The following KCNMB1 variants were observed in gnomAD, a reference collection of about 807,000 sequenced individuals.
KCNMB1 encodes the protein potassium calcium-activated channel subfamily M regulatory beta subunit 1, also known as calcium-activated potassium channel subunit beta-1.
A neutral mutation model predicts 21.7 loss-of-function variants in KCNMB1; 22 were observed. The ratio of observed to expected loss-of-function variants is 1.01; its 90% CI spans 0.72 to 1.45. The LOEUF (loss-of-function observed/expected upper bound fraction) is 1.45. Ranked by LOEUF, KCNMB1 falls within the 40% of genes most tolerant of loss-of-function variation. The pLI, the probability that KCNMB1 is intolerant of heterozygous loss-of-function variation, is 0.00. For synonymous variants in KCNMB1, 114 were observed against 107.6 expected, an observed-to-expected ratio of 1.06 and a Z score of -0.37; for missense variants, 243 against 243.4, an observed-to-expected ratio of 1.00 and a Z score of 0.01.
Position 170,382,128 on chromosome 5 carries a change from C to A in KCNMB1, c.306+1551G>T, listed in dbSNP as rs553991623. Among the ~76,000 whole-genome samples, 12 of 152,284 alleles carry A rather than the reference C, an allele frequency of 7.9e-5. No homozygotes were observed. In the South Asian group the frequency reaches 2.3e-3, roughly 29 times the overall value. On this transcript the variant is annotated intron_variant, in intron 3 of 3. Coordinates refer to ENST00000274629, the MANE Select transcript of KCNMB1 (RefSeq NM_004137.4). ...ACATCTTGGTCGTGAGTGCTTGCTG[C>A]GGCCTTGGCTCCTCTGTCTAGTAAC... is the stretch of plus-strand genomic sequence containing the variant.
At chr5:170,384,415 G>C (rs999384753) in intron 2 of KCNMB1, among the ~76,000 whole-genome samples, 1 of 152,214 alleles carries the variant, frequency 6.6e-6, no homozygotes, top group South Asian at 2.1e-4. Context: ...GTTGAGCCAG[G>C]ATGGGAAAGA....
rs1456574282 is a variant in KCNMB1 at position 170,376,107 on chromosome 5, G to A, written c.*2597C>T. On this transcript the variant is annotated 3_prime_UTR_variant, in exon 4 of 4. Coordinates refer to ENST00000274629, the MANE Select transcript of KCNMB1 (RefSeq NM_004137.4). ...GCACCCATACATGCCAGATAACATT[G>A]TCAGTATAACTTCTGGAAGTTTCTG... is the stretch of plus-strand genomic sequence containing the variant. The A allele has an allele frequency of 7.2e-6, 1 of 139,640 alleles. No individual in the cohort carries two copies. The highest frequency in any genetic ancestry group is 2.2e-4 in the East Asian group (1 of 4,520). 8.7% of individuals were successfully genotyped at this position (139,640 alleles called of 1,614,324 possible). A position where few individuals can be genotyped will look rare whatever the true frequency, so the allele number is the denominator to read the frequency against.
At chr5:170,383,373 G>T (rs1764330305) in intron 3 of KCNMB1, 1 of 594,738 alleles carries the variant, frequency 1.7e-6, no homozygotes, top group African/African-American at 1.9e-5. Context: ...TTTATATACA[G>T]CGTCTCTGAC....
Position 170,385,395 on chromosome 5 carries a change from C to A in KCNMB1, c.53G>T (p.Cys18Phe). ...AQKRGETRAL[C>F]LGVTMVVCAV... Reference sequence around the variant, plus strand: ...ACACACCACCATGGTTACACCCAGGCAAAGGGCTCGTGTCTCTCCCCGCTT... The same window carrying A: ...ACACACCACCATGGTTACACCCAGGAAAAGGGCTCGTGTCTCTCCCCGCTT... Residue 18 changes from cysteine to phenylalanine, a missense_variant, in exon 2 of 4, where the codon TGC becomes TTC. Transcript: ENST00000274629. The A allele has an allele frequency of 6.2e-7, 1 of 1,614,098 alleles. No homozygotes were observed. The highest frequency in any genetic ancestry group is 8.5e-7 in the Non-Finnish European group (1 of 1,180,012).
In KCNMB1 at chr5:170,378,167, T is replaced by C. The variant is rs1307386335; in HGVS notation, c.*537A>G. 1 of 152,510 alleles carries C rather than the reference T, an allele frequency of 6.6e-6. No homozygotes were observed. The highest frequency in any genetic ancestry group is 1.5e-5 in the Non-Finnish European group (1 of 68,164). The allele number at this position is 152,510 out of a possible 1,614,324, so 9.4% of individuals were successfully genotyped here. A position where few individuals can be genotyped will look rare whatever the true frequency, so the allele number is the denominator to read the frequency against. ...TCATGTGTTTCCTTGCAGCTGATTGTTGTTTGGCATACATTTATTAATATT... is the reference window on the plus strand; with the variant it reads ...TCATGTGTTTCCTTGCAGCTGATTGCTGTTTGGCATACATTTATTAATATT... On this transcript the variant is annotated 3_prime_UTR_variant, in exon 4 of 4. Transcript: ENST00000274629.
At chr5:170,387,070 A>G (rs899864038) in intron 1 of KCNMB1, among the ~76,000 whole-genome samples, 6 of 152,170 alleles carry the variant, frequency 3.9e-5, no homozygotes, top group Admixed American at 2.6e-4. Context: ...AAGCTGTCCT[A>G]GAGCCTCTGG....
chr5:170,386,485 C>T (rs1261727130), intron 1 of KCNMB1, among the ~76,000 whole-genome samples: 1 of 152,152 alleles, frequency 6.6e-6, no homozygotes, highest in Non-Finnish European at 1.5e-5. Context: ...AGGTCCCATG[C>T]GGTGAGCGAG....
chr5:170,386,518 C>T (rs1239134140), intron 1 of KCNMB1, among the ~76,000 whole-genome samples: 1 of 152,180 alleles, frequency 6.6e-6, no homozygotes, highest in African/African-American at 2.4e-5. Context: ...ATCATCCATG[C>T]ACCTCCTTCC....
At position 170,385,411 on chromosome 5, in the gene KCNMB1, C is replaced by G. The variant is rs776969311; in HGVS notation, c.37G>C (p.Glu13Gln). The G allele has an allele frequency of 6.2e-7, 1 of 1,613,990 alleles. No homozygotes were observed. The highest frequency in any genetic ancestry group is 1.3e-5 in the African/African-American group (1 of 74,876). ...ACACCCAGGCAAAGGGCTCGTGTCT[C>G]TCCCCGCTTCTGGGCCATCACCAGC... is the stretch of plus-strand genomic sequence containing the variant. ...KKLVMAQKRG[E>Q]TRALCLGVTM... Residue 13 changes from glutamate to glutamine, a missense_variant, in exon 2 of 4, where the codon GAG (glutamate) becomes CAG (glutamine). Physicochemically the swap from Glu to Gln is conservative, Grantham distance 29 (BLOSUM62 2). Transcript: ENST00000274629.
intron 3 of KCNMB1, among the ~76,000 whole-genome samples, chr5:170,382,286 C>G (rs1402306184): frequency 1.3e-5 from 2 of 152,232 alleles, no homozygotes; most frequent in African/African-American, 4.8e-5. Flanking sequence ...GAATGGATCT[C>G]TGACCAGAGA....
intron 3 of KCNMB1, chr5:170,383,442 AG>A (rs1453886795): frequency 1.6e-6 from 1 of 611,686 alleles, no homozygotes; most frequent in African/African-American, 1.8e-5. Flanking sequence ...GTGGAAACTG[AG>A]GAGGTGAGAG....
Position 170,376,682 on chromosome 5 carries a change from C to T in KCNMB1, c.*2022G>A, listed in dbSNP as rs1345039731. 1 of 152,142 alleles carries T rather than the reference C, an allele frequency of 6.6e-6. No homozygotes were observed. The highest frequency in any genetic ancestry group is 1.5e-5 in the Non-Finnish European group (1 of 68,038). 9.4% of individuals were successfully genotyped at this position (152,142 alleles called of 1,614,324 possible). A position where few individuals can be genotyped will look rare whatever the true frequency, so the allele number is the denominator to read the frequency against. ...ATTTGGCCTCCAGCTCCATCCATGT[C>T]CCTGCAAAGGACATGATCTCCTTCC... On this transcript the variant is annotated 3_prime_UTR_variant, in exon 4 of 4. Coordinates refer to ENST00000274629, the MANE Select transcript of KCNMB1 (RefSeq NM_004137.4).
At chr5:170,381,228 C>T (rs1764227291) in intron 3 of KCNMB1, among the ~76,000 whole-genome samples, 1 of 152,188 alleles carries the variant, frequency 6.6e-6, no homozygotes, top group Admixed American at 6.5e-5. Flanking sequence ...GGCCTGAATG[C>T]ATCCTTTCTC....
In KCNMB1 at chr5:170,378,846, C is replaced by T. The variant is rs971882146; in HGVS notation, c.434G>A (p.Ser145Asn). ...CFSAPRGNETSVLFQRLYGPQ... is the reference protein window; with the variant it reads ...CFSAPRGNETNVLFQRLYGPQ... ...CCCGTAGAGGCGCTGGAATAGGACGCTGGTTTCGTTCCCCCGAGGTGCGGA... is the reference window on the plus strand; with the variant it reads ...CCCGTAGAGGCGCTGGAATAGGACGTTGGTTTCGTTCCCCCGAGGTGCGGA... The change falls in exon 4 of 4, where the codon AGC (serine) becomes AAC (asparagine). Residue 145 changes from serine (S) to asparagine (N), a missense_variant. By Grantham distance (46) the Ser-to-Asn change is conservative. Transcript: ENST00000274629. 31 of 1,614,128 alleles carry T rather than the reference C, an allele frequency of 1.9e-5. No individual in the cohort carries two copies. Among genetic ancestry groups the T allele is most frequent in the Non-Finnish European group, 2.5e-5 (30 of 1,180,052 alleles).
intron 3 of KCNMB1, among the ~76,000 whole-genome samples, chr5:170,380,585 A>G (rs2113332587): frequency 1.3e-5 from 2 of 152,338 alleles, no homozygotes; most frequent in Non-Finnish European, 2.9e-5. Flanking sequence ...CTGCACTCAG[A>G]TCTAGGGCCC....
intron 1 of KCNMB1, among the ~76,000 whole-genome samples, chr5:170,388,488 A>G (rs1159703029): frequency 6.6e-6 from 1 of 152,234 alleles, no homozygotes; most frequent in Non-Finnish European, 1.5e-5. Context: ...GCATTTCTAA[A>G]TATCTCTGAA....
Position 170,378,503 on chromosome 5 carries a change from A to G in KCNMB1, c.*201T>C, listed in dbSNP as rs574045345. ...CCTTATGGCCTCCAAGGCATTGGGG[A>G]GCCACTGTACATTCTTGAGCAGGCA... is the stretch of plus-strand genomic sequence containing the variant. On this transcript the variant is annotated 3_prime_UTR_variant, in exon 4 of 4. Coordinates refer to ENST00000274629, the MANE Select transcript of KCNMB1 (RefSeq NM_004137.4). The G allele has an allele frequency of 4.8e-6, 3 of 625,664 alleles. No individual in the cohort carries two copies. The Admixed American group carries it at 9.2e-5, about 19-fold the overall frequency. The allele number at this position is 625,664 out of a possible 1,614,324, so 38.8% of individuals were successfully genotyped here.
At chr5:170,385,527 A>C (rs1313381339) in intron 1 of KCNMB1, 56 bp from the exon 2 acceptor site, 1 of 1,524,060 alleles carries the variant, frequency 6.6e-7, no homozygotes, top group East Asian at 2.3e-5. Context: ...GGTGATCCAC[A>C]GAAAGAGAGG....
intron 3 of KCNMB1, 74 bp downstream of exon 3, chr5:170,383,604 AC>A: frequency 6.5e-7 from 1 of 1,527,536 alleles, no homozygotes; most frequent in South Asian, 1.1e-5. Context: ...AGCCTCGGGG[AC>A]AGGGACAGTT....
Sources: gnomAD v4.1 joint callset for allele counts (sites outside exome capture counted in the v4.1 genomes callset) on GRCh38, gnomAD v4.1.1 for gene constraint, MANE v1.5 for transcripts, NCBI Gene and HGNC (gene_info 2026-07-23, HGNC 2026-07-21) for gene names.